Variants in FASN observed in about 807,000 individuals in gnomAD.
FASN encodes the protein 3-hydroxyacyl-[acyl-carrier-protein] dehydratase.
A neutral mutation model predicts 250.0 loss-of-function variants in FASN; 50 were observed. The ratio of observed to expected loss-of-function variants is 0.20; its 90% CI spans 0.16 to 0.25. The LOEUF (loss-of-function observed/expected upper bound fraction) is 0.25. Among genes scored for constraint, FASN ranks in the 10% least tolerant of loss-of-function variants. The pLI is 1.00. For missense variants in FASN, 3,031 were observed against 3,498.5 expected (o/e 0.87, Z 3.37); for synonymous variants, 1,909 against 1,584.0 (o/e 1.21, Z -4.87).
chr17:82,082,027 G>C lies in FASN; in HGVS notation c.6145C>G (p.Arg2049Gly), dbSNP rs774467499. The C allele has an allele frequency of 1.2e-6, 2 of 1,609,298 alleles. No individual in the cohort carries two copies. Among genetic ancestry groups the C allele is most frequent in the African/African-American group, 1.3e-5 (1 of 74,882 alleles). The change falls in exon 36 of 43, where the codon CGG becomes GGG. Residue 2049 changes from arginine to glycine, a missense_variant. Physicochemically the swap from Arg to Gly is moderately radical, Grantham distance 125. Transcript: ENST00000306749. ...GGCCCACCTGGGAGGCCTTCGTGCC[G>C]GCGTTTCTCACAGATACGCTCCATG... is the stretch of plus-strand genomic sequence containing the variant. ...SAMERICEKR[R>G]HEGLPGLAVQ... is the part of the protein sequence containing the mutation.
chr17:82,079,833 G>C, intron 41 of FASN: 1 of 661,746 alleles, frequency 1.5e-6, no homozygotes, highest in Non-Finnish European at 2.5e-6. Context: ...TTCTCCTCCC[G>C]AGTAGGTGGG....
At chr17:82,090,596 C>T in intron 10 of FASN, 32 bp from the exon 11 acceptor site, 1 of 1,593,674 alleles carries the variant, frequency 6.3e-7, no homozygotes, top group Non-Finnish European at 8.6e-7. Flanking sequence ...CAGGTTGCAA[C>T]CTCCAGCAGG....
rs1188380019 is a variant in FASN, at chr17:82,085,888, C to G, written c.3733-17G>C. 7.9e-6 allele frequency: 12 copies of G among 1,520,712 alleles called. No individual in the cohort carries two copies. Among genetic ancestry groups the G allele is most frequent in the Admixed American group, 4.0e-5 (2 of 50,608 alleles). 94.2% of individuals were successfully genotyped at this position (1,520,712 alleles called of 1,614,324 possible). A position where few individuals can be genotyped will look rare whatever the true frequency, so the allele number is the denominator to read the frequency against. On this transcript the variant is annotated splice_polypyrimidine_tract_variant and intron_variant, in intron 22 of 42. Coordinates refer to ENST00000306749, the MANE Select transcript of FASN (RefSeq NM_004104.5). ...AGCCAGCACCTGTAGGGGGTGAATT[C>G]TGGAATCAGCCCCACACCAGGCAGG...
chr17:82,082,125 A>T lies in FASN; in HGVS notation c.6047T>A (p.Phe2016Tyr). 6.2e-7 allele frequency: 1 copy of T among 1,606,822 alleles called. No homozygotes were observed. Among genetic ancestry groups the T allele is most frequent in the Non-Finnish European group, 8.5e-7 (1 of 1,179,948 alleles). Residue 2016 changes from phenylalanine (F) to tyrosine (Y), a missense_variant, in exon 36 of 43, where the codon TTT (phenylalanine) becomes TAT (tyrosine). Phe to Tyr is a conservative substitution (Grantham distance 22). Coordinates refer to ENST00000306749, the MANE Select transcript of FASN (RefSeq NM_004104.5). ...TREACPELDY[F>Y]VVFSSVSCGR... is the part of the protein sequence containing the mutation. The stretch of plus-strand genomic sequence containing the variant: ...GCAGCTCACAGAGGAGAAGACCACA[A>T]AGTAGTCCAGCTCAGGGCACGCCTC...
chr17:82,088,023 G>A lies in FASN; in HGVS notation c.2797C>T (p.Leu933=). The change falls in exon 18 of 43, where the codon CTG becomes TTG. Residue 933 remains leucine, a synonymous_variant. Transcript: ENST00000306749. ...GAGGCCTCCAGGAGCCGTACCTCCA[G>A]GGACACTGTCCCTGCAGAGCGGGAG... ...TILPKTGTVS[L]EVRLLEASRA... The A allele has an allele frequency of 6.2e-7, 1 of 1,612,780 alleles. No homozygotes were observed. The highest frequency in any genetic ancestry group is 8.5e-7 in the Non-Finnish European group (1 of 1,179,982).
rs1447225209 is a variant in FASN, at chr17:82,078,973, G to T, written c.*170C>A. The T allele has an allele frequency of 2.5e-6, 2 of 793,604 alleles. No individual in the cohort carries two copies. The highest frequency in any genetic ancestry group is 4.0e-6 in the Non-Finnish European group (2 of 497,008). The allele number at this position is 793,604 out of a possible 1,614,324, so 49.2% of individuals were successfully genotyped here. On this transcript the variant is annotated 3_prime_UTR_variant, in exon 43 of 43. Transcript: ENST00000306749. This position sits in a 1 kb window ranked among gnomAD's most constrained non-coding sequence, Gnocchi z 5.4. ...TCCCCGAGGTGCCGTGGGAGGCGGC[G>T]GGTGGGTGGGACATGCCTAACACCT...
chr17:82,092,018 G>A (rs866400996), intron 8 of FASN, among the ~76,000 whole-genome samples: 9 of 152,204 alleles, frequency 5.9e-5, no homozygotes, highest in East Asian at 3.9e-4. Context: ...GGGGGCAGAG[G>A]GCGTGAGTGA....
In FASN at chr17:82,080,716, T is replaced by C; in HGVS notation, c.6802A>G (p.Thr2268Ala). The C allele has an allele frequency of 6.3e-7, 1 of 1,596,880 alleles. No individual in the cohort carries two copies. Among genetic ancestry groups the C allele is most frequent in the Non-Finnish European group, 8.5e-7 (1 of 1,173,104 alleles). Reference sequence around the variant, plus strand: ...CCTCGGGTGCACTGCAGGCCATAGGTGGGGATGCTGAGCCGGGAGGCCAGG... The same window carrying C: ...CCTCGGGTGCACTGCAGGCCATAGGCGGGGATGCTGAGCCGGGAGGCCAGG... ...HSLASRLSIPTYGLQCTRAAP... is the reference protein window; with the variant it reads ...HSLASRLSIPAYGLQCTRAAP... Residue 2268 changes from threonine to alanine, a missense_variant, in exon 39 of 43, where the codon ACC (threonine) becomes GCC (alanine). Transcript: ENST00000306749.
rs767568778 is a variant in FASN, at chr17:82,082,600, A to G, written c.5846T>C (p.Leu1949Pro). 2.5e-6 allele frequency: 4 copies of G among 1,610,562 alleles called. No individual in the cohort carries two copies. The African/African-American group carries it at 4.0e-5, about 16-fold the overall frequency. ...GGCAATGAGGCCCCGGGCCCCCTCC[A>G]GTGAGCTGATGTTGCTGGTGGACAC... ...VQVSTSNISS[L>P]EGARGLIAEA... Residue 1949 changes from leucine (L) to proline (P), a missense_variant, in exon 34 of 43, where the codon CTG becomes CCG. Leu to Pro is a moderately conservative substitution (Grantham distance 98). Coordinates refer to ENST00000306749, the MANE Select transcript of FASN (RefSeq NM_004104.5).
rs1442992376 is a variant in FASN at position 82,082,682 on chromosome 17, C to CG, written c.5768-5dup. On this transcript the variant is annotated splice_region_variant and splice_polypyrimidine_tract_variant and intron_variant, in intron 33 of 42. Transcript: ENST00000306749. ...CGGACCTGCTTGGCCTGGTAGCCTG[C>CG]GGGACACAGGACTGTGGGCTGGACT... is the stretch of plus-strand genomic sequence containing the variant. 2 of 1,607,732 alleles carry CG rather than the reference C, an allele frequency of 1.2e-6. No individual in the cohort carries two copies. Among genetic ancestry groups the CG allele is most frequent in the Non-Finnish European group, 1.7e-6 (2 of 1,179,768 alleles).
Position 82,078,900 on chromosome 17 carries a change from C to T in FASN, c.*243G>A, listed in dbSNP as rs2033936743. The T allele has an allele frequency of 8.3e-6, 5 of 601,522 alleles. No homozygotes were observed. Among genetic ancestry groups the T allele is most frequent in the Admixed American group, 5.9e-5 (2 of 34,078 alleles). 37.3% of individuals were successfully genotyped at this position (601,522 alleles called of 1,614,324 possible). A position where few individuals can be genotyped will look rare whatever the true frequency, so the allele number is the denominator to read the frequency against. On this transcript the variant is annotated 3_prime_UTR_variant, in exon 43 of 43. Coordinates refer to ENST00000306749, the MANE Select transcript of FASN (RefSeq NM_004104.5). The surrounding 1 kb of genome is among the most constrained non-coding windows in gnomAD (Gnocchi z 5.4). ...AGCCCAGTTCCTGCGGGCACGGGCA[C>T]CACCGGCTCTTCACAGACCAGGAGT...
rs749115748 is a variant in FASN at position 82,082,202 on chromosome 17, G to A, written c.6012-42C>T. The A allele has an allele frequency of 1.0e-5, 16 of 1,600,988 alleles. No individual in the cohort carries two copies. In the South Asian group the frequency reaches 1.4e-4, roughly 14 times the overall value. On this transcript the variant is annotated intron_variant, in intron 35 of 42. Transcript: ENST00000306749. ...CACTCCCCATTGGCCAGCATCCCCAGGAGCCCCCAACGTCCCATCCCCAGG... is the reference window on the plus strand; with the variant it reads ...CACTCCCCATTGGCCAGCATCCCCAAGAGCCCCCAACGTCCCATCCCCAGG...
rs1140609 is a variant in FASN, at chr17:82,092,949, C to T, written c.726G>A (p.Val242=). 6.2e-7 allele frequency: 1 copy of T among 1,610,198 alleles called. No individual in the cohort carries two copies. The highest frequency in any genetic ancestry group is 1.7e-5 in the Admixed American group (1 of 59,736). ...TGCCGGCGTTCAGGATGGTGGCGTACACCCGCCGGGCCAGGGACTTCTTGG... is the reference window on the plus strand; with the variant it reads ...TGCCGGCGTTCAGGATGGTGGCGTATACCCGCCGGGCCAGGGACTTCTTGG... ...LLTKKSLARR[V]YATILNAGTN... The change falls in exon 6 of 43, where the codon GTG becomes GTA. Residue 242 remains valine (V), a synonymous_variant. Transcript: ENST00000306749.
In FASN at chr17:82,083,643, G is replaced by GGGGGCCAGA. The variant is rs761364684; in HGVS notation, c.5219-13_5219-5dup. The GGGGGCCAGA allele has an allele frequency of 1.9e-6, 3 of 1,605,646 alleles. No homozygotes were observed. Among genetic ancestry groups the GGGGGCCAGA allele is most frequent in the Non-Finnish European group, 1.7e-6 (2 of 1,177,054 alleles). On this transcript the variant is annotated splice_region_variant and splice_polypyrimidine_tract_variant and intron_variant, in intron 30 of 42. Coordinates refer to ENST00000306749, the MANE Select transcript of FASN (RefSeq NM_004104.5). Reference sequence around the variant, plus strand: ...GAGTTCAAGACCAGGTCAACGCCTAGGGGGCCAGAGGGGCCAGACAATCAC... The same window carrying GGGGGCCAGA: ...GAGTTCAAGACCAGGTCAACGCCTAGGGGGCCAGAGGGGCCAGAGGGGCCAGACAATCAC...
Position 82,087,039 on chromosome 17 carries a change from T to G in FASN, c.3427+11A>C. The G allele has an allele frequency of 6.2e-7, 1 of 1,610,648 alleles. No homozygotes were observed. Among genetic ancestry groups the G allele is most frequent in the Non-Finnish European group, 8.5e-7 (1 of 1,179,808 alleles). On this transcript the variant is annotated intron_variant, in intron 21 of 42. Coordinates refer to ENST00000306749, the MANE Select transcript of FASN (RefSeq NM_004104.5). The stretch of plus-strand genomic sequence containing the variant: ...CAGAGGTGTCCGAAGCCAGCAGGGC[T>G]GGGACCTCACCCTTGCACAGTTGCA...
intron 27 of FASN, 52 bp downstream of exon 27, chr17:82,084,461 G>A (rs2034051106): frequency 6.3e-7 from 1 of 1,586,442 alleles, no homozygotes; most frequent in Non-Finnish European, 8.6e-7. Context: ...CTAGCTGCTG[G>A]GGTCTCTGCT....
chr17:82,085,687 G>A lies in FASN; in HGVS notation c.3917C>T (p.Ala1306Val). 1 of 1,572,616 alleles carries A rather than the reference G, an allele frequency of 6.4e-7. No homozygotes were observed. The highest frequency in any genetic ancestry group is 8.6e-7 in the Non-Finnish European group (1 of 1,159,912). ...CACCAGGAGGTCGGCGCTGCCCAGG[G>A]CGCTGGGGGCAGGGTCTGCGGGATC... is the stretch of plus-strand genomic sequence containing the variant. ...QWDPADPAPSALGSADLLVCN... is the reference protein window; with the variant it reads ...QWDPADPAPSVLGSADLLVCN... Residue 1306 changes from alanine to valine, a missense_variant, in exon 23 of 43, where the codon GCC becomes GTC. Coordinates refer to ENST00000306749, the MANE Select transcript of FASN (RefSeq NM_004104.5).
chr17:82,094,673 C>T (rs959451769), intron 3 of FASN, among the ~76,000 whole-genome samples: 5 of 151,418 alleles, frequency 3.3e-5, no homozygotes, highest in African/African-American at 9.7e-5. Flanking sequence ...CCTGTAGTCC[C>T]GGCCACTCAG....
At chr17:82,093,196 T>C (rs1043361006) in intron 5 of FASN, 23 bp downstream of exon 5, 2 of 1,558,088 alleles carry the variant, frequency 1.3e-6, no homozygotes, top group Non-Finnish European at 1.7e-6. Context: ...CCGCCTGCCC[T>C]GGCCGCGCAG....
Sources: gnomAD v4.1 joint callset for allele counts (sites outside exome capture counted in the v4.1 genomes callset) on GRCh38, gnomAD v4.1.1 for gene constraint, Gnocchi (gnomAD v3.1) non-coding constraint, MANE v1.5 for transcripts, NCBI Gene and HGNC (gene_info 2026-07-23, HGNC 2026-07-21) for gene names.